GLCE: variants seen among roughly 807,000 people sequenced by gnomAD.
GLCE encodes glucuronic acid epimerase.
In GLCE, 19 loss-of-function variants were observed where a neutral mutation model predicts 47.9. That is an observed-to-expected ratio of 0.40 (90% CI 0.28 to 0.58). GLCE has a LOEUF of 0.58. Among genes scored for constraint, GLCE ranks in the 20% least tolerant of loss-of-function variants. The pLI is 0.48. For missense variants in GLCE, 556 were observed against 743.3 expected (o/e 0.75, Z 2.93); for synonymous variants, 245 against 263.4 (o/e 0.93, Z 0.68).
chr15:69,190,612 A>G (rs2051898757), intron 1 of GLCE, among the ~76,000 whole-genome samples: 1 of 152,108 alleles, frequency 6.6e-6, no homozygotes, highest in South Asian at 2.1e-4. Context: ...TCCTTTGATT[A>G]GTGTTAGCCC....
intron 2 of GLCE, among the ~76,000 whole-genome samples, chr15:69,224,869 A>G (rs1411399348): frequency 6.6e-6 from 1 of 152,214 alleles, no homozygotes; most frequent in Non-Finnish European, 1.5e-5. Context: ...CTGCCAGTGC[A>G]GTTGTTGTCT....
rs538653120 is a variant in GLCE at position 69,168,774 on chromosome 15, C to T, written c.-105+8017C>T. Among the ~76,000 whole-genome samples, 372 of 152,224 alleles carry T rather than the reference C, an allele frequency of 2.4e-3. 1 individual carries two copies. Among genetic ancestry groups the T allele is most frequent in the African/African-American group, 6.5e-3 (269 of 41,538 alleles). On this transcript the variant is annotated intron_variant, in intron 1 of 4. Transcript: ENST00000261858. ...CTCAAACTCCCGACCTCAGGTGATC[C>T]GCCTACCTCGGCCTCCCAAAGTGCT...
intron 2 of GLCE, among the ~76,000 whole-genome samples, chr15:69,239,520 G>A (rs1040666650): frequency 3.3e-5 from 5 of 152,114 alleles, no homozygotes; most frequent in African/African-American, 7.2e-5. Flanking sequence ...GGTACAGATA[G>A]CAGTGTGGTA....
In GLCE at chr15:69,268,912, G is replaced by A. The variant is rs370606638; in HGVS notation, c.1522G>A (p.Val508Ile). 7 of 1,613,882 alleles carry A rather than the reference G, an allele frequency of 4.3e-6. No individual in the cohort carries two copies. In the Admixed American group the frequency reaches 5.0e-5, roughly 12 times the overall value. The change falls in exon 5 of 5, where the codon GTT becomes ATT. Residue 508 changes from valine (V) to isoleucine (I), a missense_variant. Around this residue, in one of 3 missense-constraint regions of GLCE, gnomAD observed 245 missense variants for 368.1 expected, o/e 0.67. Transcript: ENST00000261858. The part of the protein sequence containing the change: ...EEYPTTPSSF[V>I]LNGFMYSLIG... ...ATATCCAACCACACCTAGCTCTTTT[G>A]TTTTAAATGGCTTTATGTATTCTTT...
intron 1 of GLCE, among the ~76,000 whole-genome samples, chr15:69,163,152 C>T (rs1349199284): frequency 6.6e-6 from 1 of 152,096 alleles, no homozygotes; most frequent in Non-Finnish European, 1.5e-5. Flanking sequence ...AACCTGTAAG[C>T]AGATCTTATT....
At chr15:69,264,101 AC>A (rs1203875494) in intron 4 of GLCE, among the ~76,000 whole-genome samples, 2 of 152,014 alleles carry the variant, frequency 1.3e-5, no homozygotes, top group East Asian at 3.9e-4. Context: ...TGTACATCAG[AC>A]CCCTAGATCT....
intron 1 of GLCE, among the ~76,000 whole-genome samples, chr15:69,203,386 A>G (rs1017973688): frequency 7.9e-5 from 12 of 152,142 alleles, no homozygotes; most frequent in African/African-American, 2.4e-4. Flanking sequence ...GAAACTTTTG[A>G]CAGGTGCAGT....
intron 2 of GLCE, among the ~76,000 whole-genome samples, chr15:69,240,666 G>A (rs1269222203): frequency 1.3e-5 from 2 of 152,010 alleles, no homozygotes; most frequent in African/African-American, 4.8e-5. Flanking sequence ...AAACTAAATA[G>A]GCAGTATATA....
intron 2 of GLCE, among the ~76,000 whole-genome samples, chr15:69,222,735 G>A (rs1220331142): frequency 1.3e-5 from 2 of 152,168 alleles, no homozygotes; most frequent in South Asian, 2.1e-4. Context: ...TTCTGGCTAT[G>A]ACTAGTCAGC....
chr15:69,263,042 C>T (rs1022328675), intron 4 of GLCE, among the ~76,000 whole-genome samples: 2 of 152,046 alleles, frequency 1.3e-5, no homozygotes, highest in Admixed American at 6.6e-5. Flanking sequence ...ATAATATATG[C>T]GACCCATCAT....
chr15:69,263,899 C>A (rs747439796), intron 4 of GLCE, among the ~76,000 whole-genome samples: 20 of 151,868 alleles, frequency 1.3e-4, no homozygotes, highest in Non-Finnish European at 2.6e-4. Context: ...GTATAACTGG[C>A]AAATGTATAC....
chr15:69,169,556 A>T, intron 1 of GLCE, among the ~76,000 whole-genome samples: 1 of 88,560 alleles, frequency 1.1e-5, no homozygotes, highest in Non-Finnish European at 2.2e-5. Flanking sequence ...CCCCCACCCC[A>T]CAACAGGCCC....
chr15:69,218,631 G>A (rs749065426), intron 2 of GLCE, among the ~76,000 whole-genome samples: 2 of 152,138 alleles, frequency 1.3e-5, no homozygotes, highest in Non-Finnish European at 2.9e-5. Flanking sequence ...AATTAGACAA[G>A]ACTGAAATTT....
intron 1 of GLCE, chr15:69,196,548 C>T: frequency 5.4e-6 from 1 of 186,602 alleles, no homozygotes; most frequent in South Asian, 1.2e-4. Context: ...AACAAAGGTA[C>T]AGTGCAGTGG....
chr15:69,256,511 A>G, intron 3 of GLCE, 119 bp downstream of exon 3: 3 of 734,470 alleles, frequency 4.1e-6, no homozygotes, highest in Non-Finnish European at 6.7e-6. Flanking sequence ...TCATCACTCT[A>G]ATTTAGCAGG....
chr15:69,169,922 G>T (rs1447126567), intron 1 of GLCE, among the ~76,000 whole-genome samples: 1 of 152,028 alleles, frequency 6.6e-6, no homozygotes, highest in Non-Finnish European at 1.5e-5. Flanking sequence ...AATGATTAAA[G>T]ATGAATTAAC....
chr15:69,218,338 C>T (rs868236971), intron 2 of GLCE, among the ~76,000 whole-genome samples: 1 of 151,762 alleles, frequency 6.6e-6, no homozygotes, highest in African/African-American at 2.4e-5. Flanking sequence ...GGTGAAACCC[C>T]ATCTCTGCCA....
chr15:69,261,397 AT>A, intron 4 of GLCE, 68 bp downstream of exon 4: 2 of 1,461,626 alleles, frequency 1.4e-6, no homozygotes, highest in Non-Finnish European at 1.9e-6. Flanking sequence ...GTCCCTTAAA[AT>A]TTTAATATGG....
chr15:69,220,127 C>T (rs1451866606), intron 2 of GLCE, among the ~76,000 whole-genome samples: 2 of 152,118 alleles, frequency 1.3e-5, no homozygotes, highest in Non-Finnish European at 2.9e-5. Flanking sequence ...CATTGATACA[C>T]TCTTGGGTTG....
Sources: gnomAD v4.1 joint callset for allele counts (sites outside exome capture counted in the v4.1 genomes callset) on GRCh38, gnomAD v4.1.1 for gene constraint, gnomAD v4.1.1 regional missense constraint, MANE v1.5 for transcripts, NCBI Gene and HGNC (gene_info 2026-07-23, HGNC 2026-07-21) for gene names.